UQCC6: variants seen among roughly 807,000 people sequenced by gnomAD.
UQCC6 encodes the protein protein BRAWNIN.
chr12:103,954,839 G>T, the UQCC6 span: 1 of 663,846 alleles, frequency 1.5e-6, no homozygotes, highest in Non-Finnish European at 2.7e-6. Context: ...AAGAGTATTG[G>T]ATTATTTTAT....
the UQCC6 span, among the ~76,000 whole-genome samples, chr12:103,964,703 T>G: frequency 6.6e-6 from 1 of 152,218 alleles, no homozygotes; most frequent in African/African-American, 2.4e-5. Context: ...AAGACTTTTC[T>G]AGACGATGGT....
chr12:103,958,788 G>A, the UQCC6 span, among the ~76,000 whole-genome samples: 1 of 152,200 alleles, frequency 6.6e-6, no homozygotes, highest in Non-Finnish European at 1.5e-5. Flanking sequence ...CCTTGAGAGA[G>A]ATGTGACTAA....
chr12:103,952,376 T>A, the UQCC6 span, among the ~76,000 whole-genome samples: 1 of 152,248 alleles, frequency 6.6e-6, no homozygotes, highest in South Asian at 2.1e-4. Context: ...TCATTTTTTA[T>A]TACTGAATAA....
At chr12:103,962,624 C>T in the UQCC6 span, among the ~76,000 whole-genome samples, 1 of 152,220 alleles carries the variant, frequency 6.6e-6, no homozygotes, top group African/African-American at 2.4e-5. Context: ...TGCTACCACT[C>T]CTTTCCATGG....
At chr12:103,959,920 C>A in the UQCC6 span, among the ~76,000 whole-genome samples, 5 of 146,566 alleles carry the variant, frequency 3.4e-5, no homozygotes, top group Non-Finnish European at 6.0e-5. Context: ...TACAGGCACA[C>A]GCCACCATGC....
chr12:103,959,272 G>C, the UQCC6 span, among the ~76,000 whole-genome samples: 1 of 152,136 alleles, frequency 6.6e-6, no homozygotes, highest in Non-Finnish European at 1.5e-5. Flanking sequence ...GTTGACATCG[G>C]TTGATAGATA....
chr12:103,956,583 T>A, the UQCC6 span: 13 of 1,227,610 alleles, frequency 1.1e-5, no homozygotes, highest in Non-Finnish European at 1.5e-5. Flanking sequence ...TACAAAGAAA[T>A]GAGGTATATT....
the UQCC6 span, among the ~76,000 whole-genome samples, chr12:103,964,130 G>A: frequency 9.2e-6 from 1 of 109,280 alleles, no homozygotes; most frequent in South Asian, 3.2e-4. Flanking sequence ...CCTCCCATAA[G>A]CTTTTTTTTT....
chr12:103,964,398 A>G, the UQCC6 span, among the ~76,000 whole-genome samples: 1 of 152,024 alleles, frequency 6.6e-6, no homozygotes, highest in Non-Finnish European at 1.5e-5. Flanking sequence ...GATTACAGGC[A>G]TGAGCCACCA....
chr12:103,960,951 T>A, the UQCC6 span, among the ~76,000 whole-genome samples: 20,681 of 151,220 alleles, frequency 0.14, 1,484 homozygotes, highest in Admixed American at 0.2. Flanking sequence ...TTATTCTTTT[T>A]TAAAAAAAAA....
At chr12:103,954,553 C>A in the UQCC6 span, 2 of 193,746 alleles carry the variant, frequency 1.0e-5, no homozygotes, top group Non-Finnish European at 2.1e-5. Flanking sequence ...AGGGAGGGCA[C>A]CAAGCCATTC....
the UQCC6 span, among the ~76,000 whole-genome samples, chr12:103,960,946 CT>C: frequency 1.3e-5 from 2 of 151,456 alleles, no homozygotes; most frequent in African/African-American, 2.4e-5. Flanking sequence ...TCCTTTTATT[CT>C]TTTTTAAAAA....
the UQCC6 span, chr12:103,956,831 T>C: frequency 3.6e-6 from 3 of 837,634 alleles, no homozygotes; most frequent in South Asian, 1.6e-5. Flanking sequence ...CAGCCAGCGC[T>C]GGACACGAGA....
the UQCC6 span, chr12:103,956,814 G>A: frequency 1.9e-6 from 2 of 1,039,242 alleles, no homozygotes; most frequent in Non-Finnish European, 1.4e-6. Context: ...CCAGGGCTGA[G>A]GCGCTCCAGC....
the UQCC6 span, among the ~76,000 whole-genome samples, chr12:103,964,858 TTCAC>T: frequency 3.3e-5 from 5 of 152,126 alleles, no homozygotes; most frequent in South Asian, 4.1e-4. Flanking sequence ...TTTTAAACGT[TTCAC>T]TCAAACTTTA....
At chr12:103,956,834 A>T in the UQCC6 span, 1 of 775,062 alleles carries the variant, frequency 1.3e-6, no homozygotes, top group Non-Finnish European at 2.2e-6. Flanking sequence ...CCAGCGCTGG[A>T]CACGAGACAC....
the UQCC6 span, among the ~76,000 whole-genome samples, chr12:103,959,571 G>C: frequency 6.6e-6 from 1 of 150,786 alleles, no homozygotes; most frequent in Non-Finnish European, 1.5e-5. Context: ...AATTGGCCAG[G>C]TGTGGTGGTG....
At chr12:103,954,775 G>A in the UQCC6 span, 1 of 564,892 alleles carries the variant, frequency 1.8e-6, no homozygotes, top group Non-Finnish European at 3.1e-6. Context: ...GGTTATAAGA[G>A]GGGGGATTTT....
At chr12:103,953,759 C>T in the UQCC6 span, 1 of 568,670 alleles carries the variant, frequency 1.8e-6, no homozygotes, top group Non-Finnish European at 3.2e-6. Flanking sequence ...AAGGCTGTGG[C>T]TTCATTCTAT....
Sources: allele counts gnomAD v4.1 joint callset (sites outside exome capture counted in the v4.1 genomes callset), GRCh38; gene constraint gnomAD v4.1.1; transcripts MANE v1.5; gene names NCBI Gene and HGNC (gene_info 2026-07-23, HGNC 2026-07-21).